The following RHBDD1 variants were observed in gnomAD, a reference collection of about 807,000 sequenced individuals.
RHBDD1 encodes rhomboid domain containing 1, also known as rhomboid-related protein 4.
RHBDD1 carries 38 observed loss-of-function variants against 36.3 expected under a neutral mutation model. The ratio of observed to expected loss-of-function variants is 1.05; its 90% CI spans 0.81 to 1.37. RHBDD1 has a LOEUF of 1.37. Among genes scored for constraint, RHBDD1 ranks in the 40% most tolerant of loss-of-function variants. The probability of loss-of-function intolerance (pLI) is 0.00; values close to 1 mark genes in which losing one functional copy is unlikely to be tolerated. For synonymous variants in RHBDD1, 151 were observed against 136.5 expected (o/e 1.11, Z -0.74); for missense variants, 393 against 377.6 (o/e 1.04, Z -0.34).
At chr2:226,898,804 G>A (rs1313138549) in intron 5 of RHBDD1, among the ~76,000 whole-genome samples, 3 of 152,166 alleles carry the variant, frequency 2.0e-5, no homozygotes, top group East Asian at 3.9e-4. Flanking sequence ...GATCAGTGCA[G>A]CCCCTACCTG....
At chr2:226,920,969 C>T (rs1370526083) in intron 8 of RHBDD1, among the ~76,000 whole-genome samples, 1 of 152,066 alleles carries the variant, frequency 6.6e-6, no homozygotes, top group Non-Finnish European at 1.5e-5. Context: ...TAAAATTTAG[C>T]AGTGAAGCCA....
At chr2:226,862,587 A>G (rs550649607) in intron 3 of RHBDD1, among the ~76,000 whole-genome samples, 24 of 152,122 alleles carry the variant, frequency 1.6e-4, no homozygotes, top group Non-Finnish European at 2.8e-4. Flanking sequence ...CAAGCACTTG[A>G]TCCTTTTTAT....
chr2:226,858,914 C>G (rs1243059907), intron 3 of RHBDD1, among the ~76,000 whole-genome samples: 1 of 152,072 alleles, frequency 6.6e-6, no homozygotes, highest in Non-Finnish European at 1.5e-5. Flanking sequence ...TCAAATAGTT[C>G]TGGCAAAGCA....
chr2:226,890,313 A>C (rs1302489061), intron 5 of RHBDD1, among the ~76,000 whole-genome samples: 1 of 152,218 alleles, frequency 6.6e-6, no homozygotes, highest in Non-Finnish European at 1.5e-5. Context: ...GCCATTCTAC[A>C]GGATTCTTTA....
chr2:226,893,600 G>C (rs1172840655), intron 5 of RHBDD1, among the ~76,000 whole-genome samples: 1 of 152,122 alleles, frequency 6.6e-6, no homozygotes, highest in Non-Finnish European at 1.5e-5. Flanking sequence ...AAATAGTTTC[G>C]AAGCCTCATG....
chr2:226,836,716 A>G (rs561308854), intron 1 of RHBDD1, among the ~76,000 whole-genome samples: 17 of 152,268 alleles, frequency 1.1e-4, no homozygotes, highest in African/African-American at 2.4e-4. Context: ...TTATGATTCA[A>G]TTATCGAGGT....
intron 3 of RHBDD1, among the ~76,000 whole-genome samples, chr2:226,844,452 G>C (rs1942005735): frequency 6.6e-6 from 1 of 152,192 alleles, no homozygotes; most frequent in Admixed American, 6.5e-5. Context: ...ACATATATTT[G>C]AAGCATGGCA....
chr2:226,947,658 C>T (rs1432408930), intron 8 of RHBDD1, among the ~76,000 whole-genome samples: 6 of 151,686 alleles, frequency 4.0e-5, no homozygotes, highest in Admixed American at 6.6e-5. Flanking sequence ...AGAAAATTTT[C>T]GCAACCTACT....
chr2:226,875,406 G>T (rs150678493), intron 5 of RHBDD1, among the ~76,000 whole-genome samples: 1 of 152,120 alleles, frequency 6.6e-6, no homozygotes, highest in African/African-American at 2.4e-5. Flanking sequence ...TAAATCTTTA[G>T]TAAAAGAGAA....
chr2:226,962,728 G>A (rs1456257120), intron 8 of RHBDD1, among the ~76,000 whole-genome samples: 1 of 152,188 alleles, frequency 6.6e-6, no homozygotes, highest in Non-Finnish European at 1.5e-5. Flanking sequence ...AAGGCATCAA[G>A]TACATACCAT....
intron 5 of RHBDD1, among the ~76,000 whole-genome samples, chr2:226,904,502 G>A (rs908221423): frequency 2.0e-5 from 3 of 152,022 alleles, no homozygotes; most frequent in African/African-American, 4.8e-5. Flanking sequence ...CGTGTATGTG[G>A]TGTGTGTGCG....
At chr2:226,861,861 G>A (rs1943885630) in intron 3 of RHBDD1, among the ~76,000 whole-genome samples, 1 of 152,174 alleles carries the variant, frequency 6.6e-6, no homozygotes, top group African/African-American at 2.4e-5. Context: ...AGTTATGTGG[G>A]AGCATTTCAG....
intron 7 of RHBDD1, among the ~76,000 whole-genome samples, chr2:226,913,939 G>A (rs1453652111): frequency 6.6e-6 from 1 of 152,116 alleles, no homozygotes; most frequent in African/African-American, 2.4e-5. Flanking sequence ...GCTCATTCCA[G>A]TCTCTTCCCC....
chr2:226,888,122 T>C (rs902218984), intron 5 of RHBDD1, among the ~76,000 whole-genome samples: 2 of 152,184 alleles, frequency 1.3e-5, no homozygotes, highest in Non-Finnish European at 2.9e-5. Context: ...AGTGAGTAAG[T>C]GTTAGATTCC....
chr2:226,854,773 T>G (rs1574815762), intron 3 of RHBDD1, among the ~76,000 whole-genome samples: 1 of 152,108 alleles, frequency 6.6e-6, no homozygotes, highest in East Asian at 1.9e-4. Context: ...TATCACTACC[T>G]GAGATACTAT....
the RHBDD1 span, among the ~76,000 whole-genome samples, chr2:226,801,876 C>A: frequency 6.6e-6 from 1 of 152,098 alleles, no homozygotes; most frequent in Non-Finnish European, 1.5e-5. Context: ...ACAATGTAAT[C>A]CAGATAAGGC....
chr2:226,913,447 G>A (rs1948660302), intron 7 of RHBDD1, among the ~76,000 whole-genome samples: 1 of 152,086 alleles, frequency 6.6e-6, no homozygotes, highest in Non-Finnish European at 1.5e-5. Flanking sequence ...CTAACTATTG[G>A]CAGTTAAAGG....
chr2:226,902,427 C>G (rs1049783338), intron 5 of RHBDD1, among the ~76,000 whole-genome samples: 5 of 152,184 alleles, frequency 3.3e-5, no homozygotes, highest in African/African-American at 1.2e-4. Flanking sequence ...ACCACCTTCC[C>G]AGTTCAGTTT....
intron 8 of RHBDD1, among the ~76,000 whole-genome samples, chr2:226,972,017 C>T (rs1331901102): frequency 2.6e-5 from 4 of 151,756 alleles, no homozygotes; most frequent in South Asian, 2.1e-4. Context: ...CCTGTCAGCC[C>T]GTCATCTATG....
Sources: gnomAD v4.1 joint callset for allele counts (sites outside exome capture counted in the v4.1 genomes callset) on GRCh38, gnomAD v4.1.1 for gene constraint, MANE v1.5 for transcripts, NCBI Gene and HGNC (gene_info 2026-07-23, HGNC 2026-07-21) for gene names.